Variants in CFAP54 observed in about 807,000 individuals in gnomAD.
The protein encoded by CFAP54 is cilia and flagella associated protein 54, also known as cilia- and flagella-associated protein 54.
In CFAP54, 290 loss-of-function variants were observed where a neutral mutation model predicts 370.4. The observed-to-expected ratio is 0.78, with a 90% CI of 0.71 to 0.86. CFAP54 has a LOEUF of 0.86. Ranked by LOEUF, CFAP54 falls within the 40% of genes least tolerant of loss-of-function variation. The pLI, the probability that CFAP54 is intolerant of heterozygous loss-of-function variation, is 0.00. For missense variants in CFAP54, 3,399 were observed against 3,528.7 expected (o/e 0.96, Z 0.93); for synonymous variants, 1,206 against 1,236.5 (o/e 0.98, Z 0.52).
intron 12 of CFAP54, among the ~76,000 whole-genome samples, 153 bp downstream of exon 12, chr12:96,535,753 T>G (rs1955495957): frequency 6.6e-6 from 1 of 152,346 alleles, no homozygotes; most frequent in Non-Finnish European, 1.5e-5. Context: ...GATTCTGACT[T>G]GTAGTTTTAA....
chr12:96,753,956 A>C, intron 56 of CFAP54, 58 bp downstream of exon 56: 1 of 1,553,574 alleles, frequency 6.4e-7, no homozygotes, highest in Non-Finnish European at 8.8e-7. Flanking sequence ...TTTTTCTGTC[A>C]ACAACAGGAT....
intron 64 of CFAP54, among the ~76,000 whole-genome samples, chr12:96,814,968 G>A (rs976675323): frequency 7.9e-5 from 12 of 152,106 alleles, no homozygotes; most frequent in Non-Finnish European, 1.8e-4. Flanking sequence ...TGGGCATTTG[G>A]GTTGATTCCA....
At chr12:96,553,002 C>T (rs1955711884) in intron 15 of CFAP54, among the ~76,000 whole-genome samples, 1 of 152,144 alleles carries the variant, frequency 6.6e-6, no homozygotes, top group Non-Finnish European at 1.5e-5. Context: ...TCACCTGCTT[C>T]AGTGTAGTAG....
chr12:96,516,966 A>G (rs1417636281), intron 5 of CFAP54, among the ~76,000 whole-genome samples: 2 of 151,072 alleles, frequency 1.3e-5, no homozygotes, highest in Non-Finnish European at 2.9e-5. Context: ...TACTGGGGCC[A>G]TGTTTTAGAT....
intron 13 of CFAP54, 31 bp from the exon 14 acceptor site, chr12:96,540,806 A>T: frequency 7.4e-7 from 1 of 1,347,990 alleles, no homozygotes; most frequent in Non-Finnish European, 9.6e-7. Flanking sequence ...TATACTTTTA[A>T]TTAATTTTGC....
At chr12:96,593,849 A>AT (rs1328252978) in intron 24 of CFAP54, among the ~76,000 whole-genome samples, 1 of 152,112 alleles carries the variant, frequency 6.6e-6, no homozygotes, top group Non-Finnish European at 1.5e-5. Flanking sequence ...TAGCAGAAGC[A>AT]TAATAGGAGG....
intron 30 of CFAP54, among the ~76,000 whole-genome samples, chr12:96,629,495 A>G (rs1319391938): frequency 2.0e-5 from 3 of 147,528 alleles, no homozygotes; most frequent in Admixed American, 6.7e-5. Flanking sequence ...TTGTATTTTT[A>G]GTAGAGACAG....
chr12:96,513,672 C>T (rs943649246), intron 5 of CFAP54, among the ~76,000 whole-genome samples: 2 of 151,774 alleles, frequency 1.3e-5, no homozygotes, highest in African/African-American at 2.4e-5. Flanking sequence ...GCCTGGGAGG[C>T]GGAGGTTGCA....
At chr12:96,820,705 C>G (rs1959022936) in intron 65 of CFAP54, among the ~76,000 whole-genome samples, 2 of 152,148 alleles carry the variant, frequency 1.3e-5, no homozygotes, top group African/African-American at 4.8e-5. Context: ...CAAACTATCT[C>G]AAACTTGGGA....
At chr12:96,568,803 G>T (rs1302272733) in intron 19 of CFAP54, among the ~76,000 whole-genome samples, 1 of 151,998 alleles carries the variant, frequency 6.6e-6, no homozygotes, top group Non-Finnish European at 1.5e-5. Flanking sequence ...ATCTCATCAG[G>T]TGTCTGTTTT....
At chr12:96,608,248 G>C (rs1474496875) in intron 26 of CFAP54, among the ~76,000 whole-genome samples, 1 of 151,804 alleles carries the variant, frequency 6.6e-6, no homozygotes, top group African/African-American at 2.4e-5. Flanking sequence ...CGTAAGGAGA[G>C]GTATGAGCAG....
At chr12:96,658,461 A>T in intron 38 of CFAP54, 115 bp downstream of exon 38, 2 of 1,241,106 alleles carry the variant, frequency 1.6e-6, no homozygotes, top group Non-Finnish European at 2.3e-6. Flanking sequence ...TAGTATTTCC[A>T]CTTACTGGCA....
intron 66 of CFAP54, among the ~76,000 whole-genome samples, chr12:96,859,811 T>G (rs1959821100): frequency 2.0e-5 from 3 of 152,122 alleles, no homozygotes; most frequent in Admixed American, 1.3e-4. Context: ...AATGGCAACC[T>G]AATAATTCCA....
chr12:96,835,394 G>A (rs1161932879), intron 66 of CFAP54, among the ~76,000 whole-genome samples: 1 of 152,136 alleles, frequency 6.6e-6, no homozygotes, highest in Non-Finnish European at 1.5e-5. Flanking sequence ...GGCCAAGGGT[G>A]GGCCCGGAAA....
intron 55 of CFAP54, 85 bp downstream of exon 55, chr12:96,744,231 T>G (rs1958086017): frequency 2.5e-6 from 3 of 1,197,626 alleles, no homozygotes; most frequent in Non-Finnish European, 3.5e-6. Context: ...TATGAGTGCA[T>G]TTAAAAGAGG....
intron 40 of CFAP54, among the ~76,000 whole-genome samples, chr12:96,681,116 C>G (rs1957264500): frequency 7.2e-6 from 1 of 138,880 alleles, no homozygotes; most frequent in Non-Finnish European, 1.6e-5. Flanking sequence ...GAAAAGCACC[C>G]CCCCACACAC....
intron 63 of CFAP54, among the ~76,000 whole-genome samples, chr12:96,803,653 C>T (rs1184414387): frequency 2.0e-5 from 3 of 152,138 alleles, no homozygotes; most frequent in Non-Finnish European, 4.4e-5. Context: ...AGAAGTAACA[C>T]AAAGTTTGAA....
chr12:96,621,498 A>C (rs1410632469), intron 26 of CFAP54, 92 bp from the exon 27 acceptor site: 7 of 912,740 alleles, frequency 7.7e-6, no homozygotes, highest in Admixed American at 6.6e-5. Context: ...TGAAAACTCT[A>C]TGGGGCTTTT....
At chr12:96,870,470 T>C (rs534547462) in intron 67 of CFAP54, among the ~76,000 whole-genome samples, 13 of 152,268 alleles carry the variant, frequency 8.5e-5, no homozygotes, top group African/African-American at 3.1e-4. Flanking sequence ...CCTGCATGAA[T>C]TTGGCCAAGT....
Sources: gnomAD v4.1 joint callset for allele counts (sites outside exome capture counted in the v4.1 genomes callset) on GRCh38, gnomAD v4.1.1 for gene constraint, MANE v1.5 for transcripts, NCBI Gene and HGNC (gene_info 2026-07-23, HGNC 2026-07-21) for gene names.